Variants in FMN2 observed in about 807,000 individuals in gnomAD.
The protein encoded by FMN2 is formin-2.
Under a neutral mutation model 142.3 loss-of-function variants are expected in FMN2, and 51 were observed. The ratio of observed to expected loss-of-function variants is 0.36; its 90% CI spans 0.29 to 0.45. FMN2 has a LOEUF of 0.45. Ranked by LOEUF, FMN2 falls within the 20% of genes least tolerant of loss-of-function variation. FMN2 has a pLI of 1.00. For synonymous variants in FMN2, 882 were observed against 869.8 expected, an observed-to-expected ratio of 1.01 and a Z score of -0.25; for missense variants, 1,936 against 2,122.8, an observed-to-expected ratio of 0.91 and a Z score of 1.73.
chr1:240,469,433 T>C (rs1307754050), intron 16 of FMN2, among the ~76,000 whole-genome samples: 2 of 152,074 alleles, frequency 1.3e-5, no homozygotes, highest in Non-Finnish European at 2.9e-5. Context: ...GGTGACTGAC[T>C]CATCCTAGTC....
At chr1:240,457,990 G>A (rs1299776474) in intron 16 of FMN2, 2 of 152,402 alleles carry the variant, frequency 1.3e-5, no homozygotes, top group African/African-American at 2.4e-5. Flanking sequence ...ACATCCGCAA[G>A]AGTAGTCTCT....
At chr1:240,288,618 ATG>A (rs941874938) in intron 7 of FMN2, among the ~76,000 whole-genome samples, 3 of 152,120 alleles carry the variant, frequency 2.0e-5, no homozygotes, top group African/African-American at 7.2e-5. Context: ...TAGCCCTTAT[ATG>A]TGGGCTACAC....
intron 1 of FMN2, among the ~76,000 whole-genome samples, chr1:240,099,621 A>G (rs1315043809): frequency 6.6e-6 from 1 of 152,054 alleles, no homozygotes; most frequent in Non-Finnish European, 1.5e-5. Context: ...ATGAACATGC[A>G]TTTCATTTTC....
At chr1:240,396,458 CTT>C (rs1043825150) in intron 15 of FMN2, among the ~76,000 whole-genome samples, 2 of 147,990 alleles carry the variant, frequency 1.4e-5, no homozygotes, top group African/African-American at 5.0e-5. Flanking sequence ...TTTTTTTTCT[CTT>C]TATAAATTTT....
chr1:240,430,040 C>T (rs1278511690), intron 15 of FMN2, among the ~76,000 whole-genome samples: 1 of 151,958 alleles, frequency 6.6e-6, no homozygotes, highest in East Asian at 1.9e-4. Flanking sequence ...CGCCCACCAC[C>T]GTGCCCTGCT....
At chr1:240,140,217 AAAAACAAACAAACTGTTTTCAGTATT>A (rs1290673944) in intron 2 of FMN2, among the ~76,000 whole-genome samples, 1 of 152,160 alleles carries the variant, frequency 6.6e-6, no homozygotes, top group Admixed American at 6.6e-5. Context: ...TGGTGCTTTA[AAAAACAAACAAACTGTTTTCAGTATT>A]TAAAAACACA....
chr1:240,380,502 T>C (rs1412370233), intron 14 of FMN2, among the ~76,000 whole-genome samples: 1 of 152,172 alleles, frequency 6.6e-6, no homozygotes, highest in Non-Finnish European at 1.5e-5. Flanking sequence ...GTTGAACTGA[T>C]AAATTGTGTT....
At chr1:240,125,012 A>G (rs1023313846) in intron 2 of FMN2, among the ~76,000 whole-genome samples, 5 of 152,210 alleles carry the variant, frequency 3.3e-5, no homozygotes, top group Non-Finnish European at 7.3e-5. Context: ...GTTGCTGCCA[A>G]CAGTGCTCTC....
At chr1:240,142,987 AAG>A (rs960098368) in intron 2 of FMN2, 134 of 1,571,438 alleles carry the variant, frequency 8.5e-5, no homozygotes, top group Non-Finnish European at 1.1e-4. Flanking sequence ...ACATCCAGGA[AAG>A]AGAGAGGCAC....
At position 240,206,811 on chromosome 1, in the gene FMN2, A is replaced by G. The variant is rs1448783726; in HGVS notation, c.1999A>G (p.Met667Val). ...TGTCGCCCTTCAGGAAGTTGTTGAC[A>G]TGAAGTCTGAGGGACAGGCCACTGT... ...SDAVQKEVVD[M>V]KSEGQATVIQ... Residue 667 changes from methionine to valine, a missense_variant, in exon 5 of 18, where the codon ATG becomes GTG. Around this residue, in one of 8 missense-constraint regions of FMN2, gnomAD observed 478 missense variants for 462.8 expected, o/e 1.03. Transcript: ENST00000319653. The G allele has an allele frequency of 3.1e-6, 5 of 1,606,646 alleles. No individual in the cohort carries two copies. The African/African-American group carries it at 5.3e-5, about 17-fold the overall frequency.
At chr1:240,371,794 C>T (rs1196648005) in intron 14 of FMN2, among the ~76,000 whole-genome samples, 2 of 152,078 alleles carry the variant, frequency 1.3e-5, no homozygotes, top group Non-Finnish European at 2.9e-5. Context: ...GTTTGTTGTA[C>T]GTTGTCTATG....
chr1:240,427,186 T>C (rs1013931593), intron 15 of FMN2, among the ~76,000 whole-genome samples: 1 of 146,648 alleles, frequency 6.8e-6, no homozygotes, highest in African/African-American at 2.7e-5. Context: ...TATATATATA[T>C]ATATATGGTT....
chr1:240,398,064 C>T (rs1426175641), intron 15 of FMN2, among the ~76,000 whole-genome samples: 1 of 151,146 alleles, frequency 6.6e-6, no homozygotes, highest in Non-Finnish European at 1.5e-5. Flanking sequence ...GGCACCATCT[C>T]AGCTCACTGC....
intron 3 of FMN2, among the ~76,000 whole-genome samples, chr1:240,180,589 T>C (rs1665110064): frequency 1.4e-5 from 2 of 142,658 alleles, no homozygotes; most frequent in South Asian, 4.5e-4. Flanking sequence ...TTTTTTTTAA[T>C]GGATTCTTAC....
intron 6 of FMN2, among the ~76,000 whole-genome samples, chr1:240,228,023 G>C (rs1375071240): frequency 1.3e-5 from 2 of 151,890 alleles, no homozygotes; most frequent in Non-Finnish European, 2.9e-5. Context: ...AATGGGCAAG[G>C]CCGAGCGCAG....
chr1:240,221,337 G>C (rs1429773837), intron 6 of FMN2, among the ~76,000 whole-genome samples: 1 of 152,104 alleles, frequency 6.6e-6, no homozygotes, highest in African/African-American at 2.4e-5. Flanking sequence ...CCCACCAACA[G>C]TGTAAAAGTG....
chr1:240,324,236 A>G (rs898201930), intron 8 of FMN2, among the ~76,000 whole-genome samples: 1 of 152,154 alleles, frequency 6.6e-6, no homozygotes, highest in Non-Finnish European at 1.5e-5. Flanking sequence ...TTCATTTGCT[A>G]TTGATTTATA....
In FMN2 at chr1:240,300,609, C is replaced by G. The variant is rs12094105; in HGVS notation, c.4215+5726C>G. ...TAGCATGCTCAGATGCCCATCAAACCGAAATGAAAACAAAATAAAGAGACA... is the reference window on the plus strand; with the variant it reads ...TAGCATGCTCAGATGCCCATCAAACGGAAATGAAAACAAAATAAAGAGACA... On this transcript the variant is annotated intron_variant, in intron 8 of 17. Coordinates refer to ENST00000319653, the MANE Select transcript of FMN2 (RefSeq NM_020066.5). 3.1e-3 allele frequency among the ~76,000 whole-genome samples: 466 copies of G among 152,190 alleles called. 2 individuals are homozygous for G. Among genetic ancestry groups the G allele is most frequent in the African/African-American group, 0.011 (441 of 41,496 alleles).
chr1:240,122,804 G>A (rs1662336069), intron 1 of FMN2, among the ~76,000 whole-genome samples: 1 of 152,096 alleles, frequency 6.6e-6, no homozygotes, highest in Non-Finnish European at 1.5e-5. Flanking sequence ...TATAAATCTA[G>A]CCACTCAGGA....
Sources: allele counts gnomAD v4.1 joint callset (sites outside exome capture counted in the v4.1 genomes callset), GRCh38; gene constraint gnomAD v4.1.1; regional missense constraint gnomAD v4.1.1; transcripts MANE v1.5; gene names NCBI Gene and HGNC (gene_info 2026-07-23, HGNC 2026-07-21).